TRAPPC8: variants seen among roughly 807,000 people sequenced by gnomAD.
TRAPPC8 encodes the protein general sporulation gene 1 homolog.
TRAPPC8 carries 54 observed loss-of-function variants against 174.3 expected under a neutral mutation model. The observed-to-expected ratio is 0.31, with a 90% CI of 0.25 to 0.39. The LOEUF is 0.39. TRAPPC8 is among the 10% of genes least tolerant of loss of function. The pLI is 1.00. For synonymous variants in TRAPPC8, 630 were observed against 579.9 expected (o/e 1.09, Z -1.24); for missense variants, 1,531 against 1,699.1 (o/e 0.90, Z 1.74).
At chr18:31,876,547 C>A (rs1158813998) in intron 12 of TRAPPC8, among the ~76,000 whole-genome samples, 1 of 147,208 alleles carries the variant, frequency 6.8e-6, no homozygotes, top group Non-Finnish European at 1.5e-5. Flanking sequence ...CCTCAGATGC[C>A]AGTTCTCCTC....
intron 2 of TRAPPC8, 53 bp from the exon 3 acceptor site, chr18:31,917,720 C>T (rs2037209068): frequency 6.7e-7 from 1 of 1,500,370 alleles, no homozygotes; most frequent in Non-Finnish European, 9.1e-7. Flanking sequence ...AATCAGTTTA[C>T]AACAGACAAA....
In TRAPPC8 at chr18:31,873,847, T is replaced by C. The variant is rs114921389; in HGVS notation, c.1954-309A>G. 1.2e-3 allele frequency: 282 copies of C among 227,696 alleles called. 1 individual carries two copies. Among genetic ancestry groups the C allele is most frequent in the African/African-American group, 6.3e-3 (271 of 43,262 alleles). 14.1% of individuals were successfully genotyped at this position (227,696 alleles called of 1,614,324 possible). A position where few individuals can be genotyped will look rare whatever the true frequency, so the allele number is the denominator to read the frequency against. ...CATTATAGCATCCTATCTGCCAAAA[T>C]TCTAACCCATATAATTTCAAATTAA... is the stretch of plus-strand genomic sequence containing the variant. On this transcript the variant is annotated intron_variant, in intron 13 of 28. Coordinates refer to ENST00000283351, the MANE Select transcript of TRAPPC8 (RefSeq NM_014939.5).
intron 2 of TRAPPC8, among the ~76,000 whole-genome samples, chr18:31,918,299 T>G (rs2037235329): frequency 6.6e-6 from 1 of 152,180 alleles, no homozygotes; most frequent in Admixed American, 6.6e-5. Context: ...TACCTATTAA[T>G]GCTCTAAATA....
At chr18:31,848,713 A>C (rs112148461) in intron 25 of TRAPPC8, among the ~76,000 whole-genome samples, 5,294 of 152,278 alleles carry the variant, frequency 0.035, 320 homozygotes, top group African/African-American at 0.12. Context: ...CTCTTGCATC[A>C]AACAACACAA....
At chr18:31,871,882 T>C (rs1358693731) in intron 14 of TRAPPC8, among the ~76,000 whole-genome samples, 3 of 152,158 alleles carry the variant, frequency 2.0e-5, no homozygotes, top group African/African-American at 2.4e-5. Flanking sequence ...CTAAATCGTA[T>C]CTCAAGGAGA....
intron 11 of TRAPPC8, among the ~76,000 whole-genome samples, chr18:31,894,435 C>T (rs964390519): frequency 1.3e-5 from 2 of 151,758 alleles, no homozygotes; most frequent in African/African-American, 2.4e-5. Context: ...TTCATACTAT[C>T]GAATAACAAG....
At chr18:31,844,715 C>CAA (rs530498817) in intron 26 of TRAPPC8, 29 of 81,018 alleles carry the variant, frequency 3.6e-4, no homozygotes, top group African/African-American at 9.2e-4. Context: ...GACTCTGTCT[C>CAA]AAAAAAAAAA....
At chr18:31,941,829 G>C (rs1304022791) in intron 1 of TRAPPC8, among the ~76,000 whole-genome samples, 1 of 152,132 alleles carries the variant, frequency 6.6e-6, no homozygotes, top group Non-Finnish European at 1.5e-5. Flanking sequence ...GCTAAAACAT[G>C]CTTGAAGCTT....
Position 31,884,955 on chromosome 18 carries a change from G to A in TRAPPC8, c.1728+5780C>T, listed in dbSNP as rs142049406. Among the ~76,000 whole-genome samples, 687 of 150,828 alleles carry A rather than the reference G, an allele frequency of 4.6e-3. 4 individuals are homozygous for A. The highest frequency in any genetic ancestry group is 0.016 in the African/African-American group (659 of 40,962). ...TGCAAGCTCCGCCTCCCAGGTTCAC[G>A]CCATTCTCCTGCCTCAGCCTCCCGA... On this transcript the variant is annotated intron_variant, in intron 12 of 28. Coordinates refer to ENST00000283351, the MANE Select transcript of TRAPPC8 (RefSeq NM_014939.5).
In TRAPPC8 at chr18:31,925,567, G is replaced by C. The variant is rs150398798; in HGVS notation, c.352+5762C>G. Among the ~76,000 whole-genome samples the C allele has an allele frequency of 1.4e-4, 21 of 152,208 alleles. No homozygotes were observed. The South Asian group carries it at 3.7e-3, about 27-fold the overall frequency. ...ACAGTAGTTTCAGAAAGAACAGAGA[G>C]AACAATAAGGGAGAAATTAACAAAG... On this transcript the variant is annotated intron_variant, in intron 2 of 28. Transcript: ENST00000283351.
At chr18:31,907,403 T>C (rs950007490) in intron 9 of TRAPPC8, 57 bp downstream of exon 9, 2 of 1,490,872 alleles carry the variant, frequency 1.3e-6, no homozygotes, top group Non-Finnish European at 1.8e-6. Context: ...CCAAGAGAAA[T>C]TTCTAAATAA....
intron 1 of TRAPPC8, among the ~76,000 whole-genome samples, chr18:31,933,155 G>C (rs2037926357): frequency 6.6e-6 from 1 of 151,852 alleles, no homozygotes; most frequent in Non-Finnish European, 1.5e-5. Flanking sequence ...TAAAAAATTA[G>C]CCGGGCGTGG....
rs139441301 is a variant in TRAPPC8 at position 31,890,998 on chromosome 18, A to C, written c.1597-132T>G. On this transcript the variant is annotated intron_variant, in intron 11 of 28. Transcript: ENST00000283351. ...TTAACTTAAGAGTATATGAGGGCAAAGATCAAGGGGAAAACCAATCTTGAT... is the reference window on the plus strand; with the variant it reads ...TTAACTTAAGAGTATATGAGGGCAACGATCAAGGGGAAAACCAATCTTGAT... 168 of 727,530 alleles carry C rather than the reference A, an allele frequency of 2.3e-4. 1 individual carries two copies. In the African/African-American group the frequency reaches 3.0e-3, roughly 13 times the overall value. The allele number at this position is 727,530 out of a possible 1,614,324, so 45.1% of individuals were successfully genotyped here.
chr18:31,912,030 T>C (rs896277532), intron 5 of TRAPPC8, among the ~76,000 whole-genome samples: 3 of 151,908 alleles, frequency 2.0e-5, no homozygotes, highest in East Asian at 3.9e-4. Flanking sequence ...CTTAAGCCAA[T>C]AGGACAATCA....
At chr18:31,869,389 T>G (rs1275441453) in intron 16 of TRAPPC8, among the ~76,000 whole-genome samples, 1 of 152,218 alleles carries the variant, frequency 6.6e-6, no homozygotes, top group Non-Finnish European at 1.5e-5. Flanking sequence ...TTTAAGTTAA[T>G]ACTGCTTACT....
rs563042323 is a variant in TRAPPC8, at chr18:31,888,941, T to C, written c.1728+1794A>G. Among the ~76,000 whole-genome samples, 16 of 152,308 alleles carry C rather than the reference T, an allele frequency of 1.1e-4. No individual in the cohort carries two copies. The South Asian group carries it at 3.1e-3, about 30-fold the overall frequency. ...AAAGTTTTTTTTAAATAATAAAAAA[T>C]TGGTGCTTCTCAGAAACAACTAGGC... On this transcript the variant is annotated intron_variant, in intron 12 of 28. Coordinates refer to ENST00000283351, the MANE Select transcript of TRAPPC8 (RefSeq NM_014939.5).
At chr18:31,907,734 A>T in intron 8 of TRAPPC8, 124 bp from the exon 9 acceptor site, 6 of 771,178 alleles carry the variant, frequency 7.8e-6, no homozygotes, top group Middle Eastern at 4.2e-4. Flanking sequence ...TTTCAAAGAA[A>T]TTCTACCTCC....
intron 2 of TRAPPC8, among the ~76,000 whole-genome samples, chr18:31,920,493 T>C (rs916432984): frequency 3.9e-5 from 6 of 152,182 alleles, no homozygotes; most frequent in Admixed American, 3.9e-4. Context: ...AGCTGCTTCA[T>C]GTTCATTCTT....
Position 31,913,571 on chromosome 18 carries a change from T to C in TRAPPC8, c.618-49A>G, listed in dbSNP as rs569001386. 4.4e-5 allele frequency: 62 copies of C among 1,413,160 alleles called. No individual in the cohort carries two copies. The South Asian group carries it at 8.2e-4, about 19-fold the overall frequency. 87.5% of individuals were successfully genotyped at this position (1,413,160 alleles called of 1,614,324 possible). A position where few individuals can be genotyped will look rare whatever the true frequency, so the allele number is the denominator to read the frequency against. On this transcript the variant is annotated intron_variant, in intron 4 of 28. Transcript: ENST00000283351. Reference sequence around the variant, plus strand: ...TCTGAAGTAAAAGAGGAGCAGGCCTTAGGCAATAATAGAGACTAAAGTAGT... The same window carrying C: ...TCTGAAGTAAAAGAGGAGCAGGCCTCAGGCAATAATAGAGACTAAAGTAGT...
Sources: gnomAD v4.1 joint callset for allele counts (sites outside exome capture counted in the v4.1 genomes callset) on GRCh38, gnomAD v4.1.1 for gene constraint, MANE v1.5 for transcripts, NCBI Gene and HGNC (gene_info 2026-07-23, HGNC 2026-07-21) for gene names.